The following WWOX variants were observed in gnomAD, a reference collection of about 807,000 sequenced individuals.
WWOX encodes the protein WW domain-containing oxidoreductase.
WWOX carries 69 observed loss-of-function variants against 46.2 expected under a neutral mutation model. The ratio of observed to expected loss-of-function variants is 1.49; its 90% CI spans 1.23 to 1.82. WWOX has a LOEUF of 1.82. Ranked by LOEUF, WWOX falls within the 40% of genes most tolerant of loss-of-function variation. The pLI, the probability that WWOX is intolerant of heterozygous loss-of-function variation, is 0.00. For missense variants in WWOX, 919 were observed against 542.6 expected, an observed-to-expected ratio of 1.69 and a Z score of -6.89; for synonymous variants, 359 against 202.6, an observed-to-expected ratio of 1.77 and a Z score of -6.56.
At chr16:79,105,592 A>T (rs1411414360) in intron 8 of WWOX, among the ~76,000 whole-genome samples, 1 of 152,144 alleles carries the variant, frequency 6.6e-6, no homozygotes, top group African/African-American at 2.4e-5. Flanking sequence ...TCACAGAAAC[A>T]ATTATATTGT....
intron 8 of WWOX, among the ~76,000 whole-genome samples, chr16:79,043,461 G>T (rs1030951678): frequency 1.3e-5 from 2 of 152,210 alleles, no homozygotes; most frequent in Non-Finnish European, 2.9e-5. Flanking sequence ...TAGCTTCAGG[G>T]AGGAAAAGCA....
chr16:78,711,806 A>G (rs1363744364), intron 8 of WWOX, among the ~76,000 whole-genome samples: 1 of 152,164 alleles, frequency 6.6e-6, no homozygotes, highest in Non-Finnish European at 1.5e-5. Context: ...AGCCTCCTGC[A>G]CACACTCTCC....
At chr16:78,999,182 C>T (rs1365827555) in intron 8 of WWOX, among the ~76,000 whole-genome samples, 1 of 150,702 alleles carries the variant, frequency 6.6e-6, no homozygotes, top group Non-Finnish European at 1.5e-5. Context: ...CTAAGGATGG[C>T]TGCATCAGCC....
intron 6 of WWOX, among the ~76,000 whole-genome samples, chr16:78,390,354 G>A (rs2082152346): frequency 6.6e-6 from 1 of 152,192 alleles, no homozygotes; most frequent in Non-Finnish European, 1.5e-5. Context: ...AAGTTCAAGT[G>A]CCTTTTGTAA....
In WWOX at chr16:78,507,399, G is replaced by A. The variant is rs542965857; in HGVS notation, c.1056+74647G>A. On this transcript the variant is annotated intron_variant, in intron 8 of 8. Transcript: ENST00000566780. The stretch of plus-strand genomic sequence containing the variant: ...AAAAGGAAACAAACAATGTTGCTGA[G>A]AAGTGATAGAATATTCTAGTTTATA... Among the ~76,000 whole-genome samples, 20 of 152,320 alleles carry A rather than the reference G, an allele frequency of 1.3e-4. 1 individual carries two copies. The highest frequency in any genetic ancestry group is 8.5e-4 in the Admixed American group (13 of 15,286).
chr16:78,743,264 T>C (rs528894333), intron 8 of WWOX, among the ~76,000 whole-genome samples: 4 of 152,234 alleles, frequency 2.6e-5, no homozygotes, highest in South Asian at 4.1e-4. Context: ...AGTGAGGAGA[T>C]TGGCCCTGTG....
At chr16:78,395,266 C>G (rs181578223) in intron 6 of WWOX, among the ~76,000 whole-genome samples, 9 of 152,194 alleles carry the variant, frequency 5.9e-5, no homozygotes, top group Admixed American at 5.2e-4. Flanking sequence ...TGCCTGTTAT[C>G]CCAGCACTTT....
Position 78,615,643 on chromosome 16 carries a change from A to G in WWOX, c.1056+182891A>G, listed in dbSNP as rs539576593. Among the ~76,000 whole-genome samples the G allele has an allele frequency of 3.7e-4, 56 of 152,240 alleles. 1 individual carries two copies. Among genetic ancestry groups the G allele is most frequent in the African/African-American group, 1.3e-3 (55 of 41,544 alleles). On this transcript the variant is annotated intron_variant, in intron 8 of 8. Transcript: ENST00000566780. ...TGTATTCCAGTCTGGGCAACAGAGC[A>G]AGACCCCATTTCCAAAAAATAAATG...
chr16:78,559,828 C>G (rs2044391431), intron 8 of WWOX, among the ~76,000 whole-genome samples: 1 of 152,150 alleles, frequency 6.6e-6, no homozygotes, highest in Non-Finnish European at 1.5e-5. Flanking sequence ...CTCAAGTGAA[C>G]AGGCACAAAA....
intron 8 of WWOX, among the ~76,000 whole-genome samples, chr16:78,915,150 C>G (rs569925875): frequency 1.3e-4 from 20 of 152,214 alleles, no homozygotes; most frequent in Non-Finnish European, 2.5e-4. Context: ...AAAAATTACT[C>G]TCCAGTTTTC....
At chr16:79,131,386 T>G (rs2049875239) in intron 8 of WWOX, among the ~76,000 whole-genome samples, 1 of 152,134 alleles carries the variant, frequency 6.6e-6, no homozygotes, top group Non-Finnish European at 1.5e-5. Flanking sequence ...CTTTGAGGTC[T>G]TTTTTTCCCT....
intron 5 of WWOX, among the ~76,000 whole-genome samples, chr16:78,264,265 C>T (rs1051074980): frequency 6.6e-6 from 1 of 151,910 alleles, no homozygotes; most frequent in Admixed American, 6.6e-5. Flanking sequence ...TTTGGGCCAC[C>T]ACATCAGTGT....
chr16:78,690,553 A>G (rs575444840), intron 8 of WWOX, among the ~76,000 whole-genome samples: 1 of 152,244 alleles, frequency 6.6e-6, no homozygotes, highest in African/African-American at 2.4e-5. Context: ...CCCTGTCTGA[A>G]AATTAAAAAA....
At chr16:78,907,824 G>C (rs2045005510) in intron 8 of WWOX, among the ~76,000 whole-genome samples, 1 of 152,070 alleles carries the variant, frequency 6.6e-6, no homozygotes, top group Non-Finnish European at 1.5e-5. Context: ...GGACTACCAG[G>C]AATCCTCACC....
intron 4 of WWOX, among the ~76,000 whole-genome samples, chr16:78,155,129 T>G (rs1250202136): frequency 1.3e-5 from 2 of 152,104 alleles, no homozygotes; most frequent in South Asian, 2.1e-4. Flanking sequence ...TCCCCAATGT[T>G]TTAATGCTGG....
intron 8 of WWOX, among the ~76,000 whole-genome samples, chr16:78,943,260 G>C (rs769196609): frequency 6.6e-6 from 1 of 152,092 alleles, no homozygotes; most frequent in South Asian, 2.1e-4. Flanking sequence ...CGGGAGGCAG[G>C]CGTTATTGTG....
At position 78,348,252 on chromosome 16, in the gene WWOX, G is replaced by T; in HGVS notation, c.517-38608G>T. Among the ~76,000 whole-genome samples, 2 of 121,374 alleles carry T rather than the reference G, an allele frequency of 1.6e-5. 1 individual carries two copies. The allele number at this position is 121,374 out of a possible 152,430, so 79.6% of individuals were successfully genotyped here. A position where few individuals can be genotyped will look rare whatever the true frequency, so the allele number is the denominator to read the frequency against. On this transcript the variant is annotated intron_variant, in intron 5 of 8. Coordinates refer to ENST00000566780, the MANE Select transcript of WWOX (RefSeq NM_016373.4). ...CTTCATGTACTGTGACTGTAATAAA[G>T]AGGGTTGTAAGTAGAGAAGCTGGAA...
chr16:78,979,979 T>G (rs1597232808), intron 8 of WWOX, among the ~76,000 whole-genome samples: 1 of 152,030 alleles, frequency 6.6e-6, no homozygotes, highest in Non-Finnish European at 1.5e-5. Context: ...ATACAAAAAA[T>G]TAGCTGGGTG....
At chr16:78,359,868 A>G (rs1035285616) in intron 5 of WWOX, among the ~76,000 whole-genome samples, 1 of 152,224 alleles carries the variant, frequency 6.6e-6, no homozygotes, top group African/African-American at 2.4e-5. Flanking sequence ...TTGTTTTGAC[A>G]CAGCAAAAAC....
Sources: allele counts gnomAD v4.1 joint callset (sites outside exome capture counted in the v4.1 genomes callset), GRCh38; gene constraint gnomAD v4.1.1; transcripts MANE v1.5; gene names NCBI Gene and HGNC (gene_info 2026-07-23, HGNC 2026-07-21).